The following CLYBL variants were observed in gnomAD, a reference collection of about 807,000 sequenced individuals.
CLYBL encodes citramalyl-CoA lyase, mitochondrial.
Under a neutral mutation model 38.9 loss-of-function variants are expected in CLYBL, and 31 were observed. That is an observed-to-expected ratio of 0.80 (90% CI 0.60 to 1.08). The LOEUF (loss-of-function observed/expected upper bound fraction) is 1.08, where lower values mean the gene tolerates loss of function less well. CLYBL is among the 50% of genes least tolerant of loss of function. CLYBL has a pLI of 0.00. For missense variants in CLYBL, 434 were observed against 411.6 expected, an observed-to-expected ratio of 1.05 and a Z score of -0.47; for synonymous variants, 171 against 158.6, an observed-to-expected ratio of 1.08 and a Z score of -0.59.
intron 7 of CLYBL, among the ~76,000 whole-genome samples, chr13:99,873,275 T>C (rs2051955105): frequency 6.6e-6 from 1 of 152,230 alleles, no homozygotes; most frequent in Non-Finnish European, 1.5e-5. Flanking sequence ...CTCTGGATCT[T>C]GAGGGGATCT....
intron 2 of CLYBL, among the ~76,000 whole-genome samples, chr13:99,854,513 T>C (rs1383399351): frequency 6.6e-6 from 1 of 151,726 alleles, no homozygotes; most frequent in East Asian, 1.9e-4. Flanking sequence ...CGGAGCTTGG[T>C]CCCAAACTAT....
chr13:99,757,772 T>C (rs550761702), intron 1 of CLYBL, among the ~76,000 whole-genome samples: 3 of 152,342 alleles, frequency 2.0e-5, no homozygotes, highest in African/African-American at 7.2e-5. Flanking sequence ...TTGGCAACTT[T>C]TAAACGTTCC....
At chr13:99,620,808 AAG>A (rs769913490) in intron 1 of CLYBL, among the ~76,000 whole-genome samples, 12 of 138,534 alleles carry the variant, frequency 8.7e-5, no homozygotes, top group South Asian at 2.2e-4. Context: ...GAGAGAGAGA[AAG>A]AGAGAGAGAG....
intron 1 of CLYBL, among the ~76,000 whole-genome samples, chr13:99,607,764 GAC>G (rs1461530147): frequency 1.3e-5 from 2 of 152,122 alleles, no homozygotes; most frequent in Admixed American, 6.6e-5. Context: ...TATTTTTTGA[GAC>G]AGAGTCTCGG....
At chr13:99,707,928 C>A (rs1414811887) in intron 1 of CLYBL, among the ~76,000 whole-genome samples, 1 of 152,184 alleles carries the variant, frequency 6.6e-6, no homozygotes. Context: ...AGCCAGGTTC[C>A]ATTTAGCATT....
chr13:99,871,171 GA>G (rs1478463144), intron 7 of CLYBL, 109 bp downstream of exon 7: 4 of 1,292,612 alleles, frequency 3.1e-6, no homozygotes, highest in Admixed American at 1.7e-5. Flanking sequence ...CGTATCTGGA[GA>G]GGGGGGAAAG....
chr13:99,723,318 G>C (rs979958684), intron 1 of CLYBL, among the ~76,000 whole-genome samples: 1 of 152,206 alleles, frequency 6.6e-6, no homozygotes, highest in African/African-American at 2.4e-5. Flanking sequence ...GTGGACAGGT[G>C]TGCTCTGTTT....
intron 7 of CLYBL, among the ~76,000 whole-genome samples, chr13:99,876,228 T>C (rs2052037716): frequency 6.6e-6 from 1 of 151,558 alleles, no homozygotes; most frequent in South Asian, 2.1e-4. Flanking sequence ...GAGACCAGCC[T>C]TGCCAACATA....
intron 1 of CLYBL, among the ~76,000 whole-genome samples, chr13:99,736,282 G>A (rs2048666999): frequency 6.6e-6 from 1 of 150,874 alleles, no homozygotes; most frequent in African/African-American, 2.4e-5. Flanking sequence ...TGGGTGATGT[G>A]GCCGCCTCAG....
At chr13:99,842,494 C>T (rs900570952) in intron 2 of CLYBL, among the ~76,000 whole-genome samples, 1 of 152,146 alleles carries the variant, frequency 6.6e-6, no homozygotes. Flanking sequence ...GGACTCTCTC[C>T]TGGTGCCAAA....
At chr13:99,687,712 TAC>T (rs2047838866) in intron 1 of CLYBL, among the ~76,000 whole-genome samples, 1 of 152,238 alleles carries the variant, frequency 6.6e-6, no homozygotes, top group South Asian at 2.1e-4. Flanking sequence ...AAATCTTCAT[TAC>T]ATACCTGGTC....
intron 1 of CLYBL, among the ~76,000 whole-genome samples, chr13:99,609,561 G>A (rs886296725): frequency 3.9e-5 from 6 of 152,088 alleles, no homozygotes; most frequent in Non-Finnish European, 7.4e-5. Flanking sequence ...TTTGGAGAAT[G>A]AGTCTCACTC....
At chr13:99,835,600 G>A (rs2139096401) in intron 2 of CLYBL, among the ~76,000 whole-genome samples, 1 of 152,346 alleles carries the variant, frequency 6.6e-6, no homozygotes, top group South Asian at 2.1e-4. Flanking sequence ...GTTGCTGTGA[G>A]CCATCAGCTG....
intron 1 of CLYBL, among the ~76,000 whole-genome samples, chr13:99,636,883 T>G (rs1322052072): frequency 6.6e-6 from 1 of 152,018 alleles, no homozygotes; most frequent in Non-Finnish European, 1.5e-5. Flanking sequence ...TGCGGTCTAA[T>G]TTAAACTTTT....
intron 1 of CLYBL, among the ~76,000 whole-genome samples, chr13:99,699,821 GTC>G (rs2048036488): frequency 6.6e-6 from 1 of 150,850 alleles, no homozygotes; most frequent in African/African-American, 2.4e-5. Flanking sequence ...GTGAAACCCC[GTC>G]TCTACTAAAA....
chr13:99,793,033 A>AAAACACAC (rs368975807), intron 2 of CLYBL, among the ~76,000 whole-genome samples: 165 of 146,058 alleles, frequency 1.1e-3, no homozygotes, highest in Middle Eastern at 3.5e-3. Context: ...GTGCATACAT[A>AAAACACAC]ACACACACAC....
At chr13:99,684,597 G>A (rs544544156) in intron 1 of CLYBL, among the ~76,000 whole-genome samples, 1 of 152,312 alleles carries the variant, frequency 6.6e-6, no homozygotes, top group East Asian at 1.9e-4. Flanking sequence ...TAAAGGATCA[G>A]CCTTCTTAAC....
intron 1 of CLYBL, among the ~76,000 whole-genome samples, chr13:99,734,684 T>C (rs2048639831): frequency 6.6e-6 from 1 of 152,182 alleles, no homozygotes; most frequent in African/African-American, 2.4e-5. Flanking sequence ...CCCATAGACA[T>C]ATATTCTAAC....
intron 7 of CLYBL, among the ~76,000 whole-genome samples, chr13:99,888,237 C>T (rs1039008322): frequency 8.6e-5 from 13 of 150,936 alleles, no homozygotes; most frequent in Non-Finnish European, 4.4e-5. Context: ...CTGAACTGCA[C>T]ACTTAAAAAT....
Sources: gnomAD v4.1 joint callset for allele counts (sites outside exome capture counted in the v4.1 genomes callset) on GRCh38, gnomAD v4.1.1 for gene constraint, MANE v1.5 for transcripts, NCBI Gene and HGNC (gene_info 2026-07-23, HGNC 2026-07-21) for gene names.